TMEM132C: variants seen among roughly 807,000 people sequenced by gnomAD.
TMEM132C encodes the protein protein phosphatase 1, regulatory subunit 152.
In TMEM132C, 29 loss-of-function variants were observed where a neutral mutation model predicts 61.4. The ratio of observed to expected loss-of-function variants is 0.47; its 90% confidence interval spans 0.35 to 0.64. The LOEUF (loss-of-function observed/expected upper bound fraction) is 0.64. TMEM132C is among the 30% of genes least tolerant of loss of function. The pLI, the probability that TMEM132C is intolerant of heterozygous loss-of-function variation, is 0.00. For synonymous variants in TMEM132C, 656 were observed against 633.1 expected (o/e 1.04, Z -0.54); for missense variants, 1,408 against 1,476.9 (o/e 0.95, Z 0.76).
At chr12:128,350,259 C>G (rs549168987) in intron 1 of TMEM132C, among the ~76,000 whole-genome samples, 69 of 152,204 alleles carry the variant, frequency 4.5e-4, no homozygotes, top group African/African-American at 1.7e-3. Context: ...CCAGAAATCC[C>G]TGCTGCTTTT....
chr12:128,667,511 T>G (rs887165852), intron 4 of TMEM132C, among the ~76,000 whole-genome samples: 1 of 152,212 alleles, frequency 6.6e-6, no homozygotes, highest in African/African-American at 2.4e-5. Flanking sequence ...TGCTGGCTGA[T>G]GCAAAAGCAT....
chr12:128,686,623 C>A (rs1385216012), intron 5 of TMEM132C, among the ~76,000 whole-genome samples: 1 of 152,046 alleles, frequency 6.6e-6, no homozygotes, highest in South Asian at 2.1e-4. Context: ...CTGTGTAGGC[C>A]AAATGTGATG....
chr12:128,640,204 G>A (rs994440352), intron 4 of TMEM132C, among the ~76,000 whole-genome samples: 1 of 152,172 alleles, frequency 6.6e-6, no homozygotes, highest in African/African-American at 2.4e-5. Context: ...TTAGCACAGG[G>A]TTTGGCACTT....
chr12:128,474,052 A>G (rs1387974993), intron 2 of TMEM132C, among the ~76,000 whole-genome samples: 1 of 152,158 alleles, frequency 6.6e-6, no homozygotes, highest in Non-Finnish European at 1.5e-5. Flanking sequence ...AATTCCTTGC[A>G]TGGATGAATC....
chr12:128,377,908 G>A (rs920610890), intron 1 of TMEM132C, among the ~76,000 whole-genome samples: 2 of 152,132 alleles, frequency 1.3e-5, no homozygotes, highest in Admixed American at 6.5e-5. Flanking sequence ...GGAACTGCAG[G>A]TTCTGATGTT....
intron 2 of TMEM132C, among the ~76,000 whole-genome samples, chr12:128,419,019 C>A (rs190901925): frequency 1.9e-4 from 29 of 152,226 alleles, no homozygotes; most frequent in Admixed American, 1.5e-3. Flanking sequence ...AAGTATCCAA[C>A]CATGACCATT....
intron 4 of TMEM132C, among the ~76,000 whole-genome samples, chr12:128,659,855 G>A (rs962368925): frequency 7.2e-5 from 11 of 152,204 alleles, no homozygotes; most frequent in Admixed American, 3.3e-4. Flanking sequence ...AGGGCCACTC[G>A]TCCACTCCCA....
chr12:128,624,530 T>G (rs1953997105), intron 4 of TMEM132C, among the ~76,000 whole-genome samples: 1 of 116,484 alleles, frequency 8.6e-6, no homozygotes, highest in African/African-American at 3.6e-5. Flanking sequence ...GGTGATAGAG[T>G]GAGACTCCAT....
intron 1 of TMEM132C, among the ~76,000 whole-genome samples, chr12:128,268,685 CAG>C (rs1210447185): frequency 6.6e-6 from 1 of 152,120 alleles, no homozygotes; most frequent in Non-Finnish European, 1.5e-5. Context: ...GAAATGCGTT[CAG>C]AGAGACAAGT....
At chr12:128,283,106 T>G (rs1006147184) in intron 1 of TMEM132C, among the ~76,000 whole-genome samples, 1 of 152,224 alleles carries the variant, frequency 6.6e-6, no homozygotes, top group African/African-American at 2.4e-5. Context: ...CATTTCATTA[T>G]GAATCTATAA....
intron 4 of TMEM132C, among the ~76,000 whole-genome samples, chr12:128,626,231 A>G (rs891243627): frequency 6.6e-6 from 1 of 150,428 alleles, no homozygotes; most frequent in Non-Finnish European, 1.5e-5. Flanking sequence ...GGTTCAAGCA[A>G]TTCTCGTGCC....
chr12:128,473,103 T>C (rs1373404856), intron 2 of TMEM132C, among the ~76,000 whole-genome samples: 1 of 11,970 alleles, frequency 8.4e-5, no homozygotes, highest in Non-Finnish European at 2.0e-4. Context: ...CTCCAGACTC[T>C]GTCTTCATCT....
At chr12:128,540,983 G>C (rs11608772) in intron 2 of TMEM132C, among the ~76,000 whole-genome samples, 80,519 of 150,770 alleles carry the variant, frequency 0.53, 22,359 homozygotes, top group Middle Eastern at 0.62. Context: ...CTATCTCTCT[G>C]TCTGTATGTC....
At chr12:128,529,456 G>A (rs1315556917) in intron 2 of TMEM132C, among the ~76,000 whole-genome samples, 1 of 152,118 alleles carries the variant, frequency 6.6e-6, no homozygotes, top group East Asian at 1.9e-4. Flanking sequence ...TCATGAAAAC[G>A]TGGGAGACAC....
Position 128,415,607 on chromosome 12 carries a change from C to G in TMEM132C, c.961C>G (p.Leu321Val). Residue 321 changes from leucine (L) to valine (V), a missense_variant, in exon 2 of 9, where the codon CTC (leucine) becomes GTC (valine). Leu to Val is a conservative substitution (Grantham distance 32, BLOSUM62 1). Transcript: ENST00000435159. The surrounding 1 kb of genome is among the most constrained non-coding windows in gnomAD (Gnocchi z 5.8). The stretch of plus-strand genomic sequence containing the variant: ...CATCTCGAGCAATTCCTCTGTGGAC[C>G]TCTTCATCTTGAGGTAGGTGCCCAT... ...VTISSNSSVD[L>V]FILRAKVKKG... 6.5e-7 allele frequency: 1 copy of G among 1,531,074 alleles called. No individual in the cohort carries two copies. Among genetic ancestry groups the G allele is most frequent in the Non-Finnish European group, 8.8e-7 (1 of 1,134,818 alleles). The allele number at this position is 1,531,074 out of a possible 1,614,324, so 94.8% of individuals were successfully genotyped here.
intron 2 of TMEM132C, among the ~76,000 whole-genome samples, chr12:128,540,649 T>C (rs11059756): frequency 6.6e-6 from 1 of 152,106 alleles, no homozygotes. Flanking sequence ...TGTTTCAGTC[T>C]TTCTGCGTGG....
chr12:128,392,976 C>G (rs1378882916), intron 1 of TMEM132C, among the ~76,000 whole-genome samples: 1 of 152,196 alleles, frequency 6.6e-6, no homozygotes, highest in Non-Finnish European at 1.5e-5. Context: ...ATAGATGTAT[C>G]AAGGTGCACA....
chr12:128,676,701 A>G (rs2135636875), intron 5 of TMEM132C, among the ~76,000 whole-genome samples: 1 of 152,358 alleles, frequency 6.6e-6, no homozygotes, highest in East Asian at 1.9e-4. Flanking sequence ...TGTCTACACA[A>G]TTCAACACAC....
At chr12:128,579,564 T>C (rs972923945) in intron 3 of TMEM132C, among the ~76,000 whole-genome samples, 1 of 152,164 alleles carries the variant, frequency 6.6e-6, no homozygotes, top group African/African-American at 2.4e-5. Flanking sequence ...CATTACATAG[T>C]AGGAAAGGCA....
Sources: allele counts gnomAD v4.1 joint callset (sites outside exome capture counted in the v4.1 genomes callset), GRCh38; gene constraint gnomAD v4.1.1; non-coding constraint Gnocchi (gnomAD v3.1); transcripts MANE v1.5; gene names NCBI Gene and HGNC (gene_info 2026-07-23, HGNC 2026-07-21).